The following MYO5A variants were observed in gnomAD, a reference collection of about 807,000 sequenced individuals.
MYO5A encodes the protein unconventional myosin-Va.
A neutral mutation model predicts 249.7 loss-of-function variants in MYO5A; 98 were observed. The observed-to-expected ratio is 0.39, with a 90% CI of 0.33 to 0.46. The LOEUF (loss-of-function observed/expected upper bound fraction) is 0.46. Among genes scored for constraint, MYO5A ranks in the 20% least tolerant of loss-of-function variants. MYO5A has a pLI of 0.98. For missense variants in MYO5A, 1,696 were observed against 2,308.8 expected (o/e 0.73, Z 5.44); for synonymous variants, 778 against 810.6 (o/e 0.96, Z 0.68).
intron 39 of MYO5A, among the ~76,000 whole-genome samples, chr15:52,317,454 G>A (rs1229578392): frequency 1.3e-5 from 2 of 152,126 alleles, no homozygotes; most frequent in East Asian, 3.8e-4. Context: ...TTTAATGGAA[G>A]ATGGAAATGA....
intron 1 of MYO5A, among the ~76,000 whole-genome samples, chr15:52,454,899 A>G (rs2076089028): frequency 6.6e-6 from 1 of 152,074 alleles, no homozygotes; most frequent in African/African-American, 2.4e-5. Flanking sequence ...CAATCTAATA[A>G]TGGTGCATGT....
rs577796637 is a variant in MYO5A, at chr15:52,341,311, C to T, written c.4041-917G>A. On this transcript the variant is annotated intron_variant, in intron 31 of 41. Transcript: ENST00000399233. The stretch of plus-strand genomic sequence containing the variant: ...ATATATATTTTAGATCTGTCATCTT[C>T]TCTCTCCGCATAAACTTACATATCA... Among the ~76,000 whole-genome samples, 7 of 152,340 alleles carry T rather than the reference C, an allele frequency of 4.6e-5. No individual in the cohort carries two copies. The East Asian group carries it at 1.3e-3, about 29-fold the overall frequency.
intron 1 of MYO5A, among the ~76,000 whole-genome samples, chr15:52,522,624 C>T (rs1203052910): frequency 2.0e-5 from 3 of 152,242 alleles, no homozygotes; most frequent in East Asian, 1.9e-4. Flanking sequence ...TAGTGGACCA[C>T]GTACTCCTGA....
intron 23 of MYO5A, 147 bp from the exon 24 acceptor site, chr15:52,364,849 G>A: frequency 4.6e-6 from 4 of 876,030 alleles, no homozygotes; most frequent in Non-Finnish European, 3.5e-6. Flanking sequence ...GTAAAATTTA[G>A]GAAAAGAAAA....
intron 25 of MYO5A, among the ~76,000 whole-genome samples, 180 bp downstream of exon 25, chr15:52,359,788 C>A (rs2040427186): frequency 6.6e-6 from 1 of 152,158 alleles, no homozygotes; most frequent in African/African-American, 2.4e-5. Flanking sequence ...TGTATGTACA[C>A]AGCACTTAAG....
intron 16 of MYO5A, among the ~76,000 whole-genome samples, chr15:52,380,700 G>A (rs1429034865): frequency 6.6e-6 from 1 of 152,218 alleles, no homozygotes; most frequent in Admixed American, 6.5e-5. Flanking sequence ...CCGGGAGGCA[G>A]AGGTTGCAGT....
chr15:52,462,153 C>T (rs1290331809), intron 1 of MYO5A, among the ~76,000 whole-genome samples: 4 of 151,622 alleles, frequency 2.6e-5, no homozygotes, highest in African/African-American at 9.7e-5. Context: ...GTAGTCCCAG[C>T]TACTCAGGAG....
intron 1 of MYO5A, among the ~76,000 whole-genome samples, chr15:52,513,082 G>A (rs1032967479): frequency 1.3e-5 from 2 of 151,452 alleles, no homozygotes; most frequent in East Asian, 2.0e-4. Flanking sequence ...TGTTGTGAAA[G>A]ATCAAGCCAA....
chr15:52,398,093 T>G (rs2042567587), intron 9 of MYO5A, among the ~76,000 whole-genome samples: 1 of 146,304 alleles, frequency 6.8e-6, no homozygotes, highest in Non-Finnish European at 1.5e-5. Flanking sequence ...TAGGAAGGAT[T>G]GAAGCTGAAT....
At chr15:52,323,732 G>A (rs926119395) in intron 36 of MYO5A, 7 of 360,638 alleles carry the variant, frequency 1.9e-5, no homozygotes, top group African/African-American at 1.3e-4. Flanking sequence ...GGCTGGGCGC[G>A]GTGGCTCACA....
At chr15:52,417,095 T>TA (rs1481957969) in intron 4 of MYO5A, among the ~76,000 whole-genome samples, 5 of 152,162 alleles carry the variant, frequency 3.3e-5, no homozygotes, top group African/African-American at 9.7e-5. Context: ...TGATATTTCC[T>TA]AAAAATAATA....
At chr15:52,412,299 G>A (rs1001038489) in intron 5 of MYO5A, among the ~76,000 whole-genome samples, 2 of 152,160 alleles carry the variant, frequency 1.3e-5, no homozygotes, top group East Asian at 1.9e-4. Flanking sequence ...CAGACTGGGC[G>A]TCAGAGTGGC....
At chr15:52,447,699 G>C (rs961107591) in intron 1 of MYO5A, among the ~76,000 whole-genome samples, 1 of 152,236 alleles carries the variant, frequency 6.6e-6, no homozygotes, top group African/African-American at 2.4e-5. Context: ...GCAAGGCTGA[G>C]AGGGTCTCAG....
At chr15:52,456,718 G>C (rs971574033) in intron 1 of MYO5A, among the ~76,000 whole-genome samples, 4 of 152,104 alleles carry the variant, frequency 2.6e-5, no homozygotes, top group African/African-American at 9.7e-5. Flanking sequence ...CGTACAATTG[G>C]GAAGGACAGT....
intron 40 of MYO5A, 66 bp downstream of exon 40, chr15:52,316,982 T>G: frequency 1.9e-6 from 3 of 1,541,206 alleles, no homozygotes; most frequent in Non-Finnish European, 2.7e-6. Context: ...AGAGGACTTC[T>G]TTACTTCCCT....
intron 1 of MYO5A, chr15:52,505,976 G>A: frequency 1.1e-6 from 1 of 887,000 alleles, no homozygotes; most frequent in Non-Finnish European, 1.7e-6. Context: ...CACTTTGGGA[G>A]GCTGAGGAGG....
rs1457488661 is a variant in MYO5A, at chr15:52,336,646, A to G, written c.4315-90T>C. The G allele has an allele frequency of 2.9e-6, 3 of 1,017,604 alleles. No homozygotes were observed. The East Asian group carries it at 7.8e-5, about 26-fold the overall frequency. 63.0% of individuals were successfully genotyped at this position (1,017,604 alleles called of 1,614,324 possible). On this transcript the variant is annotated intron_variant, in intron 33 of 41. Coordinates refer to ENST00000399233, the MANE Select transcript of MYO5A (RefSeq NM_001382347.1). ...AAAATAGACACAATATCACAGAAAC[A>G]ACACGTTAGTTTTACATAAGAGCTC...
chr15:52,437,456 A>G (rs1033187169), intron 1 of MYO5A, among the ~76,000 whole-genome samples: 44 of 151,976 alleles, frequency 2.9e-4, no homozygotes, highest in African/African-American at 1.0e-3. Context: ...TTAGCCAGGC[A>G]TGGTGGTTCG....
intron 1 of MYO5A, among the ~76,000 whole-genome samples, chr15:52,499,484 C>T (rs1305569935): frequency 6.6e-6 from 1 of 152,128 alleles, no homozygotes; most frequent in Non-Finnish European, 1.5e-5. Flanking sequence ...ATTAAATGAA[C>T]GCCCCATTTT....
Sources: allele counts gnomAD v4.1 joint callset (sites outside exome capture counted in the v4.1 genomes callset), GRCh38; gene constraint gnomAD v4.1.1; transcripts MANE v1.5; gene names NCBI Gene and HGNC (gene_info 2026-07-23, HGNC 2026-07-21).